Variants in RAB10 observed in about 807,000 individuals in gnomAD.
The protein encoded by RAB10 is ras-related protein Rab-10.
In RAB10, 5 loss-of-function variants were observed where a neutral mutation model predicts 25.7. The observed-to-expected ratio is 0.19, with a 90% CI of 0.10 to 0.41. The LOEUF is 0.41. Among genes scored for constraint, RAB10 ranks in the 10% least tolerant of loss-of-function variants. RAB10 has a pLI of 1.00. For synonymous variants in RAB10, 89 were observed against 86.4 expected, an observed-to-expected ratio of 1.03 and a Z score of -0.16; for missense variants, 103 against 245.8, an observed-to-expected ratio of 0.42 and a Z score of 3.89.
At chr2:26,037,907 A>G (rs963967957) in intron 1 of RAB10, among the ~76,000 whole-genome samples, 5 of 150,988 alleles carry the variant, frequency 3.3e-5, no homozygotes, top group African/African-American at 1.2e-4. Context: ...TTTTTTTGAG[A>G]CGGAGTTTCG....
rs1292288076 is a variant in RAB10, at chr2:26,135,129, A to G, written c.*108A>G. On this transcript the variant is annotated 3_prime_UTR_variant, in exon 6 of 6. Transcript: ENST00000264710. Reference sequence around the variant, plus strand: ...CTCTAAACAGATATTTTTGTTTCTCATCTTAACTATCCAAGCCACCTATTT... The same window carrying G: ...CTCTAAACAGATATTTTTGTTTCTCGTCTTAACTATCCAAGCCACCTATTT... 4 of 777,480 alleles carry G rather than the reference A, an allele frequency of 5.1e-6. No homozygotes were observed. Among genetic ancestry groups the G allele is most frequent in the African/African-American group, 3.6e-5 (2 of 55,652 alleles). The allele number at this position is 777,480 out of a possible 1,614,324, so 48.2% of individuals were successfully genotyped here. A position where few individuals can be genotyped will look rare whatever the true frequency, so the allele number is the denominator to read the frequency against.
chr2:26,125,272 G>C (rs1330838228), intron 3 of RAB10, among the ~76,000 whole-genome samples: 1 of 151,720 alleles, frequency 6.6e-6, no homozygotes, highest in Non-Finnish European at 1.5e-5. Context: ...TGTGTTTTCT[G>C]TTTTTTTAAT....
chr2:26,105,409 G>C (rs1169419042), intron 2 of RAB10, among the ~76,000 whole-genome samples: 1 of 152,106 alleles, frequency 6.6e-6, no homozygotes, highest in Non-Finnish European at 1.5e-5. Flanking sequence ...TCAGCACTTT[G>C]GGAGGCCGAG....
chr2:26,098,560 CACAG>C (rs1420093549), intron 1 of RAB10, 98 bp from the exon 2 acceptor site: 2 of 833,642 alleles, frequency 2.4e-6, no homozygotes, highest in Non-Finnish European at 3.8e-6. Flanking sequence ...ATCAAACAAA[CACAG>C]ACAAGTTTAA....
At chr2:26,109,946 ATT>A in intron 3 of RAB10, 40 bp downstream of exon 3, 1 of 1,495,788 alleles carries the variant, frequency 6.7e-7, no homozygotes, top group Non-Finnish European at 9.0e-7. Flanking sequence ...ATGAACACAC[ATT>A]TGTGTGCTTG....
At position 26,063,399 on chromosome 2, in the gene RAB10, A is replaced by T. The variant is rs554671048; in HGVS notation, c.127+28664A>T. Among the ~76,000 whole-genome samples the T allele has an allele frequency of 4.3e-4, 65 of 151,072 alleles. 2 individuals are homozygous for T. The South Asian group carries it at 0.013, about 30-fold the overall frequency. On this transcript the variant is annotated intron_variant, in intron 1 of 5. Transcript: ENST00000264710. Reference sequence around the variant, plus strand: ...TAGATTTTCTCATTATTACCATTTTATTACATTTGCTCACTCACATTCTTT... The same window carrying T: ...TAGATTTTCTCATTATTACCATTTTTTTACATTTGCTCACTCACATTCTTT...
intron 1 of RAB10, among the ~76,000 whole-genome samples, chr2:26,076,346 T>C (rs1666732860): frequency 6.6e-6 from 1 of 152,170 alleles, no homozygotes. Context: ...TGAAAGTGAA[T>C]CTACTGTTGA....
chr2:26,088,362 A>C (rs1667030353), intron 1 of RAB10, among the ~76,000 whole-genome samples: 1 of 152,242 alleles, frequency 6.6e-6, no homozygotes, highest in Non-Finnish European at 1.5e-5. Context: ...ATCTGTAAAA[A>C]GTGAGAATTT....
intron 1 of RAB10, among the ~76,000 whole-genome samples, chr2:26,064,021 C>T (rs753562541): frequency 4.6e-5 from 7 of 152,138 alleles, no homozygotes; most frequent in African/African-American, 1.4e-4. Context: ...AGGTTGGTGT[C>T]GAACTCCTGA....
chr2:26,119,136 G>C (rs1667752924), intron 3 of RAB10, among the ~76,000 whole-genome samples: 1 of 152,166 alleles, frequency 6.6e-6, no homozygotes, highest in Non-Finnish European at 1.5e-5. Context: ...GCTGTGCACG[G>C]TGGCTCACAC....
intron 5 of RAB10, among the ~76,000 whole-genome samples, chr2:26,133,783 C>T (rs559917369): frequency 2.0e-5 from 3 of 152,094 alleles, no homozygotes; most frequent in African/African-American, 7.2e-5. Context: ...AAGCGATTCT[C>T]CTGCCTCAGC....
At chr2:26,045,994 G>T (rs770886357) in intron 1 of RAB10, among the ~76,000 whole-genome samples, 14 of 152,180 alleles carry the variant, frequency 9.2e-5, no homozygotes, top group Non-Finnish European at 1.8e-4. Context: ...ATAATTGAGG[G>T]TTTATGAAAT....
At chr2:26,088,418 G>C (rs536740003) in intron 1 of RAB10, among the ~76,000 whole-genome samples, 1 of 152,294 alleles carries the variant, frequency 6.6e-6, no homozygotes, top group Admixed American at 6.5e-5. Flanking sequence ...AGGAATCACT[G>C]TTTGGATCAA....
At chr2:26,038,787 T>C (rs1367276630) in intron 1 of RAB10, among the ~76,000 whole-genome samples, 1 of 151,126 alleles carries the variant, frequency 6.6e-6, no homozygotes, top group East Asian at 2.0e-4. Context: ...CTGTCCGTGG[T>C]GGTGGGCGCT....
At chr2:26,127,699 A>G (rs1667931984) in intron 4 of RAB10, 151 bp from the exon 5 acceptor site, 2 of 593,112 alleles carry the variant, frequency 3.4e-6, no homozygotes, top group Admixed American at 3.1e-5. Context: ...TGTTTGTTTT[A>G]TGAAAGAGCT....
intron 3 of RAB10, among the ~76,000 whole-genome samples, chr2:26,123,057 A>ATGGGT (rs1667838351): frequency 6.6e-6 from 1 of 152,194 alleles, no homozygotes; most frequent in South Asian, 2.1e-4. Flanking sequence ...GCTAACCCCC[A>ATGGGT]AGACCTGAAG....
intron 2 of RAB10, among the ~76,000 whole-genome samples, chr2:26,102,319 TTAA>T (rs1325365647): frequency 1.2e-4 from 18 of 152,340 alleles, no homozygotes; most frequent in African/African-American, 4.3e-4. Context: ...TGTGTAGTAC[TTAA>T]TAATACTGGT....
chr2:26,119,655 A>G (rs556503837), intron 3 of RAB10, among the ~76,000 whole-genome samples: 1 of 152,054 alleles, frequency 6.6e-6, no homozygotes, highest in East Asian at 1.9e-4. Context: ...CCAGGTACCT[A>G]GGACCACAAG....
intron 1 of RAB10, among the ~76,000 whole-genome samples, chr2:26,090,171 A>G (rs1349411900): frequency 6.6e-6 from 1 of 152,180 alleles, no homozygotes; most frequent in Non-Finnish European, 1.5e-5. Flanking sequence ...TCTTAGTGCT[A>G]TCTTAGAAAG....
Sources: allele counts gnomAD v4.1 joint callset (sites outside exome capture counted in the v4.1 genomes callset), GRCh38; gene constraint gnomAD v4.1.1; transcripts MANE v1.5; gene names NCBI Gene and HGNC (gene_info 2026-07-23, HGNC 2026-07-21).